TP53I11: variants seen among roughly 807,000 people sequenced by gnomAD.
The protein encoded by TP53I11 is tumor protein p53 inducible protein 11.
In TP53I11, 9 loss-of-function variants were observed where a neutral mutation model predicts 23.3. The ratio of observed to expected loss-of-function variants is 0.39; its 90% CI spans 0.23 to 0.67. TP53I11 has a LOEUF of 0.67. Ranked by LOEUF, TP53I11 falls within the 30% of genes least tolerant of loss-of-function variation. TP53I11 has a pLI of 0.48. For missense variants in TP53I11, 170 were observed against 255.2 expected (o/e 0.67, Z 2.27); for synonymous variants, 100 against 106.1 (o/e 0.94, Z 0.35).
Position 44,935,664 on chromosome 11 carries a change from TG to T in TP53I11, c.335-3del. 1.7e-6 allele frequency: 1 copy of T among 605,248 alleles called. No individual in the cohort carries two copies. The highest frequency in any genetic ancestry group is 2.6e-6 in the Non-Finnish European group (1 of 377,956). 37.5% of individuals were successfully genotyped at this position (605,248 alleles called of 1,614,324 possible). A position where few individuals can be genotyped will look rare whatever the true frequency, so the allele number is the denominator to read the frequency against. On this transcript the variant is annotated splice_region_variant and splice_polypyrimidine_tract_variant and intron_variant, in intron 5 of 6. Coordinates refer to ENST00000525680, the MANE Select transcript of TP53I11 (RefSeq NM_006034.5). ...CGTTCCACATGATCAGGGAGATGCC[TG>T]GGGCGGGGGATGAAAAGGGGGCTGG...
Position 44,932,684 on chromosome 11 carries a change from G to C in TP53I11, c.*2200C>G. 1 of 152,502 alleles carries C rather than the reference G, an allele frequency of 6.6e-6. No homozygotes were observed. The highest frequency in any genetic ancestry group is 2.1e-4 in the South Asian group (1 of 4,828). 9.4% of individuals were successfully genotyped at this position (152,502 alleles called of 1,614,324 possible). A position where few individuals can be genotyped will look rare whatever the true frequency, so the allele number is the denominator to read the frequency against. On this transcript the variant is annotated 3_prime_UTR_variant, in exon 7 of 7. Transcript: ENST00000525680. ...CTCCAAGCTGTACGTCTGTCTTCCA[G>C]ATCTTACCTGACCTGCAGCCCCCTC...
Position 44,936,027 on chromosome 11 carries a change from G to T in TP53I11, c.335-365C>A, listed in dbSNP as rs143141952. ...GTGTTCATGGAGTTCATGAGTTAAT[G>T]GGTTACCTGGTCCTATGATTGGGTT... On this transcript the variant is annotated intron_variant, in intron 5 of 6. Transcript: ENST00000525680. This position sits in a 1 kb window ranked among gnomAD's most constrained non-coding sequence, Gnocchi z 4.4. 617 of 294,306 alleles carry T rather than the reference G, an allele frequency of 2.1e-3. 6 individuals are homozygous for T. Among genetic ancestry groups the T allele is most frequent in the African/African-American group, 0.013 (586 of 45,888 alleles). 18.2% of individuals were successfully genotyped at this position (294,306 alleles called of 1,614,324 possible). A position where few individuals can be genotyped will look rare whatever the true frequency, so the allele number is the denominator to read the frequency against.
chr11:44,945,006 G>A (rs1862252353), intron 1 of TP53I11, among the ~76,000 whole-genome samples: 1 of 152,238 alleles, frequency 6.6e-6, no homozygotes, highest in African/African-American at 2.4e-5. Context: ...CTATGCCCGT[G>A]AGGGCTGGCT....
intron 3 of TP53I11, 87 bp downstream of exon 3, chr11:44,937,468 G>C: frequency 6.4e-7 from 1 of 1,551,150 alleles, no homozygotes; most frequent in Non-Finnish European, 8.8e-7. Context: ...AAAATCCAGG[G>C]ACCAGGCCAA....
At chr11:44,949,278 G>A (rs1342463503) in intron 1 of TP53I11, among the ~76,000 whole-genome samples, 3 of 152,198 alleles carry the variant, frequency 2.0e-5, no homozygotes, top group African/African-American at 4.8e-5. Flanking sequence ...TGGGATCTGC[G>A]GGCCGCAGAT....
intron 1 of TP53I11, among the ~76,000 whole-genome samples, chr11:44,945,638 A>C (rs1862314279): frequency 6.6e-6 from 1 of 152,048 alleles, no homozygotes; most frequent in African/African-American, 2.4e-5. Flanking sequence ...CGACTCCAGC[A>C]GGACTTGGGG....
At chr11:44,938,413 A>G in intron 1 of TP53I11, 47 bp from the exon 2 acceptor site, 1 of 1,463,328 alleles carries the variant, frequency 6.8e-7, no homozygotes. Flanking sequence ...CCCAGCTTCC[A>G]GACCCTAGGG....
chr11:44,949,649 G>T (rs1276618743), intron 1 of TP53I11, among the ~76,000 whole-genome samples: 1 of 152,064 alleles, frequency 6.6e-6, no homozygotes, highest in Non-Finnish European at 1.5e-5. Context: ...CCCGCCCAGC[G>T]GGGCGCGCCG....
intron 1 of TP53I11, among the ~76,000 whole-genome samples, chr11:44,940,057 C>T (rs901725118): frequency 6.6e-6 from 1 of 152,226 alleles, no homozygotes; most frequent in African/African-American, 2.4e-5. Flanking sequence ...GGGCCCAGGA[C>T]GCCGTCCTGA....
intron 1 of TP53I11, 125 bp from the exon 2 acceptor site, chr11:44,938,491 G>C: frequency 8.9e-7 from 1 of 1,125,098 alleles, no homozygotes; most frequent in Non-Finnish European, 1.2e-6. Flanking sequence ...ACGAGCCCAG[G>C]GCAGTAGGGG....
chr11:44,935,394 G>A (rs149387855), intron 6 of TP53I11, among the ~76,000 whole-genome samples, 167 bp downstream of exon 6: 2,293 of 152,294 alleles, frequency 0.015, 50 homozygotes, highest in African/African-American at 0.051. Flanking sequence ...GCACAGGTGT[G>A]CAGGCACACA....
chr11:44,942,105 T>C (rs553763924), intron 1 of TP53I11, among the ~76,000 whole-genome samples: 11 of 21,882 alleles, frequency 5.0e-4, no homozygotes, highest in Non-Finnish European at 9.4e-4. Context: ...CACCACACAA[T>C]ACGTGCACAC....
chr11:44,945,302 C>G (rs902577373), intron 1 of TP53I11, among the ~76,000 whole-genome samples: 1 of 152,182 alleles, frequency 6.6e-6, no homozygotes, highest in Non-Finnish European at 1.5e-5. Flanking sequence ...CCCTGCTATC[C>G]CCACCACAAC....
chr11:44,936,166 G>T lies in TP53I11; in HGVS notation c.335-504C>A. ...CTTTTTAGCAGAAGACCACTGACTT[G>T]GCCTCTAGCAGGCCCCGCCCACCCA... is the stretch of plus-strand genomic sequence containing the variant. On this transcript the variant is annotated intron_variant, in intron 5 of 6. Coordinates refer to ENST00000525680, the MANE Select transcript of TP53I11 (RefSeq NM_006034.5). The surrounding 1 kb of genome is among the most constrained non-coding windows in gnomAD (Gnocchi z 4.4). 3.1e-6 allele frequency: 3 copies of T among 968,612 alleles called. No homozygotes were observed. Among genetic ancestry groups the T allele is most frequent in the Non-Finnish European group, 3.7e-6 (3 of 808,028 alleles). 60.0% of individuals were successfully genotyped at this position (968,612 alleles called of 1,614,324 possible).
rs573844755 is a variant in TP53I11, at chr11:44,939,867, A to G, written c.-31-1501T>C. On this transcript the variant is annotated intron_variant, in intron 1 of 6. Transcript: ENST00000525680. Reference sequence around the variant, plus strand: ...GAGTGGATACGCCTTTCTCCTCCCCACACACAGGCCCCATGGTGAAAGGAG... The same window carrying G: ...GAGTGGATACGCCTTTCTCCTCCCCGCACACAGGCCCCATGGTGAAAGGAG... 1.3e-3 allele frequency among the ~76,000 whole-genome samples: 197 copies of G among 152,218 alleles called. 2 individuals carry two copies. The highest frequency in any genetic ancestry group is 4.5e-3 in the African/African-American group (187 of 41,536).
chr11:44,935,295 T>G (rs550353053), intron 6 of TP53I11, among the ~76,000 whole-genome samples: 1 of 151,926 alleles, frequency 6.6e-6, no homozygotes, highest in Admixed American at 6.6e-5. Context: ...GCAGTGGGTG[T>G]GGGGGGGCCG....
In TP53I11 at chr11:44,936,558, C is replaced by CTTA; in HGVS notation, c.334+242_334+244dup. The CTTA allele has an allele frequency of 7.7e-7, 1 of 1,305,820 alleles. No homozygotes were observed. The highest frequency in any genetic ancestry group is 9.7e-7 in the Non-Finnish European group (1 of 1,027,980). The allele number at this position is 1,305,820 out of a possible 1,614,324, so 80.9% of individuals were successfully genotyped here. ...ACAACGCCCAGAGGCAGTGCACACA[C>CTTA]TTATGAGCGCTCCTTGCAGATGGTG... On this transcript the variant is annotated intron_variant, in intron 5 of 6. Coordinates refer to ENST00000525680, the MANE Select transcript of TP53I11 (RefSeq NM_006034.5). The surrounding 1 kb of genome is among the most constrained non-coding windows in gnomAD (Gnocchi z 4.4).
Position 44,937,593 on chromosome 11 carries a change from A to G in TP53I11, c.150T>C (p.Asn50=). The change falls in exon 3 of 7, where the codon AAT becomes AAC. Residue 50 remains asparagine (N), a synonymous_variant. Coordinates refer to ENST00000525680, the MANE Select transcript of TP53I11 (RefSeq NM_006034.5). ...GCTCCCGAATGGTAAACTTGATTTCATTGCCTAAGACCTGGCTGATCTGTG... is the reference window on the plus strand; with the variant it reads ...GCTCCCGAATGGTAAACTTGATTTCGTTGCCTAAGACCTGGCTGATCTGTG... The part of the protein sequence containing the change: ...HRSKISQVLG[N]EIKFTIREPL... 6.2e-7 allele frequency: 1 copy of G among 1,613,690 alleles called. No individual in the cohort carries two copies. Among genetic ancestry groups the G allele is most frequent in the African/African-American group, 1.3e-5 (1 of 75,020 alleles).
At chr11:44,946,507 G>A (rs1202194598) in intron 1 of TP53I11, among the ~76,000 whole-genome samples, 1 of 152,358 alleles carries the variant, frequency 6.6e-6, no homozygotes, top group East Asian at 1.9e-4. Context: ...AGCGGAACTG[G>A]CCGGGAGAGG....
Sources: allele counts gnomAD v4.1 joint callset (sites outside exome capture counted in the v4.1 genomes callset), GRCh38; gene constraint gnomAD v4.1.1; non-coding constraint Gnocchi (gnomAD v3.1); transcripts MANE v1.5; gene names NCBI Gene and HGNC (gene_info 2026-07-23, HGNC 2026-07-21).